PLA2G4C: variants seen among roughly 807,000 people sequenced by gnomAD.
The protein encoded by PLA2G4C is phospholipase A2 group IVC, also known as cytosolic phospholipase A2 gamma.
In PLA2G4C, 64 loss-of-function variants were observed where a neutral mutation model predicts 73.8. The observed-to-expected ratio is 0.87, with a 90% CI of 0.71 to 1.07. The LOEUF is 1.07. Ranked by LOEUF, PLA2G4C falls within the 50% of genes least tolerant of loss-of-function variation. PLA2G4C has a pLI of 0.00. For synonymous variants in PLA2G4C, 254 were observed against 252.1 expected (o/e 1.01, Z -0.07); for missense variants, 622 against 665.4 (o/e 0.93, Z 0.72).
chr19:48,077,673 T>G, intron 11 of PLA2G4C, 98 bp downstream of exon 11: 1 of 884,380 alleles, frequency 1.1e-6, no homozygotes, highest in Non-Finnish European at 1.7e-6. Flanking sequence ...GAGCACCACA[T>G]GAATCAGACA....
At chr19:48,103,467 T>G (rs10402442) in intron 4 of PLA2G4C, 48,489 of 152,070 alleles carry the variant, frequency 0.32, 11,325 homozygotes, top group African/African-American at 0.66. Context: ...AGCACAGAAA[T>G]GAAAACAAAT....
chr19:48,065,536 G>A (rs924039686), intron 13 of PLA2G4C, among the ~76,000 whole-genome samples: 1 of 151,876 alleles, frequency 6.6e-6, no homozygotes, highest in Admixed American at 6.6e-5. Context: ...GTTGCAGTGA[G>A]CCAAGATTGT....
chr19:48,081,840 G>T (rs1280728706), intron 10 of PLA2G4C, among the ~76,000 whole-genome samples: 2 of 150,070 alleles, frequency 1.3e-5, no homozygotes, highest in Admixed American at 1.3e-4. Flanking sequence ...CAGCACTTTG[G>T]GAGGCTGAGG....
chr19:48,102,985 G>A (rs1208053511), intron 4 of PLA2G4C, among the ~76,000 whole-genome samples: 5 of 152,184 alleles, frequency 3.3e-5, no homozygotes, highest in African/African-American at 9.7e-5. Flanking sequence ...GCTCGTAACA[G>A]CCCACAAAGG....
chr19:48,058,172 G>A (rs755297693), intron 14 of PLA2G4C, among the ~76,000 whole-genome samples: 62 of 151,990 alleles, frequency 4.1e-4, no homozygotes, highest in Non-Finnish European at 8.1e-4. Context: ...GGTGGCGCAT[G>A]CCTGTAATCC....
In PLA2G4C at chr19:48,053,884, C is replaced by A. The variant is rs139289650; in HGVS notation, c.1430-737G>T. 1.1e-3 allele frequency among the ~76,000 whole-genome samples: 169 copies of A among 152,280 alleles called. 1 individual carries two copies. Among genetic ancestry groups the A allele is most frequent in the African/African-American group, 3.7e-3 (153 of 41,570 alleles). On this transcript the variant is annotated intron_variant, in intron 15 of 16. Coordinates refer to ENST00000599921, the MANE Select transcript of PLA2G4C (RefSeq NM_003706.3). ...AATCAGGCCCCGGAGGACCACCCAT[C>A]CTGGATGCTAGGCCTTCCAAGCAGC...
At chr19:48,081,682 C>T (rs890115324) in intron 10 of PLA2G4C, among the ~76,000 whole-genome samples, 8 of 151,814 alleles carry the variant, frequency 5.3e-5, no homozygotes, top group Non-Finnish European at 7.4e-5. Flanking sequence ...TGGCTTGAAC[C>T]CAGGAGGTGG....
intron 9 of PLA2G4C, among the ~76,000 whole-genome samples, chr19:48,086,438 C>G (rs1224786987): frequency 1.3e-5 from 2 of 152,146 alleles, no homozygotes; most frequent in Non-Finnish European, 2.9e-5. Context: ...ACCCCCACCC[C>G]CTGATACCCA....
At chr19:48,051,464 ACTTT>A (rs1192168235) in intron 16 of PLA2G4C, among the ~76,000 whole-genome samples, 2 of 152,180 alleles carry the variant, frequency 1.3e-5, no homozygotes, top group Non-Finnish European at 2.9e-5. Context: ...TTTTGCCATT[ACTTT>A]TAGTTGCAAA....
intron 1 of PLA2G4C, among the ~76,000 whole-genome samples, chr19:48,109,354 C>T (rs978815340): frequency 6.6e-6 from 1 of 152,176 alleles, no homozygotes; most frequent in South Asian, 2.1e-4. Flanking sequence ...TCACTGCAGC[C>T]TCAGCCTCCT....
chr19:48,090,673 C>A (rs2031244133), intron 7 of PLA2G4C: 1 of 478,034 alleles, frequency 2.1e-6, no homozygotes, highest in East Asian at 3.8e-5. Flanking sequence ...GCCAGCCGGG[C>A]ACTGTAGACT....
chr19:48,098,752 A>AAAAAAAAT (rs2031744233), intron 5 of PLA2G4C, among the ~76,000 whole-genome samples: 1 of 117,240 alleles, frequency 8.5e-6, no homozygotes, highest in African/African-American at 3.3e-5. Flanking sequence ...AAAAAAAAAA[A>AAAAAAAAT]TTTGTCAGGC....
At chr19:48,107,005 C>G (rs947870951) in intron 1 of PLA2G4C, among the ~76,000 whole-genome samples, 13 of 152,028 alleles carry the variant, frequency 8.6e-5, no homozygotes, top group African/African-American at 2.9e-4. Flanking sequence ...CCACCATGCC[C>G]GGCTAATTTT....
At chr19:48,077,336 T>C (rs561729246) in intron 11 of PLA2G4C, among the ~76,000 whole-genome samples, 2 of 151,916 alleles carry the variant, frequency 1.3e-5, no homozygotes, top group Non-Finnish European at 2.9e-5. Flanking sequence ...CAACCCCTTT[T>C]ACAACAGCTG....
chr19:48,048,365 G>T lies in PLA2G4C; in HGVS notation c.1604C>A (p.Ala535Asp). 1.3e-6 allele frequency: 2 copies of T among 1,596,706 alleles called. No individual in the cohort carries two copies. The highest frequency in any genetic ancestry group is 1.8e-5 in the Admixed American group (1 of 55,078). The change falls in exon 17 of 17, where the codon GCC becomes GAC. Residue 535 changes from alanine to aspartate, a missense_variant. Physicochemically the swap from Ala to Asp is moderately radical, Grantham distance 126 (BLOSUM62 -2). Coordinates refer to ENST00000599921, the MANE Select transcript of PLA2G4C (RefSeq NM_003706.3). ...VAGLYYPKDSARSCCLA is the reference protein window; with the variant it reads ...VAGLYYPKDSDRSCCLA ...CATCTATGCCAAGCAGCAACTTCGG[G>T]CACTATCCTTCGGGTAGTAGAGCCT...
chr19:48,060,662 C>T (rs1243726799), intron 14 of PLA2G4C, among the ~76,000 whole-genome samples: 1 of 152,134 alleles, frequency 6.6e-6, no homozygotes, highest in Non-Finnish European at 1.5e-5. Flanking sequence ...CAGAAAAGGA[C>T]TCCCAAGACC....
At chr19:48,060,175 A>G (rs8110925) in intron 14 of PLA2G4C, among the ~76,000 whole-genome samples, 15,912 of 152,104 alleles carry the variant, frequency 0.1, 1,323 homozygotes, top group African/African-American at 0.23. Context: ...TGTGATCCTG[A>G]AACTCCCTTT....
At chr19:48,068,296 T>C (rs1600183087) in intron 12 of PLA2G4C, among the ~76,000 whole-genome samples, 1 of 92,924 alleles carries the variant, frequency 1.1e-5, no homozygotes, top group East Asian at 3.3e-4. Flanking sequence ...GGAGCGAGAC[T>C]CCATCTCAAA....
At chr19:48,080,875 C>T (rs937417366) in intron 10 of PLA2G4C, among the ~76,000 whole-genome samples, 7 of 150,112 alleles carry the variant, frequency 4.7e-5, no homozygotes, top group African/African-American at 1.5e-4. Flanking sequence ...AGATATGGAA[C>T]CAGCCGAGCA....
Sources: allele counts gnomAD v4.1 joint callset (sites outside exome capture counted in the v4.1 genomes callset), GRCh38; gene constraint gnomAD v4.1.1; transcripts MANE v1.5; gene names NCBI Gene and HGNC (gene_info 2026-07-23, HGNC 2026-07-21).